PLCB1: variants seen among roughly 807,000 people sequenced by gnomAD.
PLCB1 encodes the protein phospholipase C beta 1.
PLCB1 carries 46 observed loss-of-function variants against 161.8 expected under a neutral mutation model. The observed-to-expected ratio is 0.28, with a 90% CI of 0.22 to 0.36. The LOEUF is 0.36. Among genes scored for constraint, PLCB1 ranks in the 10% least tolerant of loss-of-function variants. PLCB1 has a pLI of 1.00. For missense variants in PLCB1, 1,016 were observed against 1,472.5 expected (o/e 0.69, Z 5.07); for synonymous variants, 517 against 503.7 (o/e 1.03, Z -0.35).
intron 23 of PLCB1, chr20:8,750,962 G>C (rs757399146): frequency 1.3e-5 from 9 of 719,296 alleles, no homozygotes; most frequent in South Asian, 1.5e-5. Context: ...TTGAGACGGA[G>C]TCTTGCTCAG....
chr20:8,715,477 G>A (rs947439189), intron 12 of PLCB1, among the ~76,000 whole-genome samples: 4 of 152,098 alleles, frequency 2.6e-5, no homozygotes, highest in African/African-American at 4.8e-5. Context: ...TTCCAAGAAC[G>A]GTTATTATTC....
chr20:8,668,939 A>T (rs978520579), intron 9 of PLCB1, among the ~76,000 whole-genome samples: 1 of 152,230 alleles, frequency 6.6e-6, no homozygotes, highest in African/African-American at 2.4e-5. Context: ...TGCTTATTGA[A>T]CGCATTTCTT....
chr20:8,386,525 G>A (rs1987430948), intron 3 of PLCB1, among the ~76,000 whole-genome samples: 1 of 152,182 alleles, frequency 6.6e-6, no homozygotes, highest in South Asian at 2.1e-4. Context: ...ATTTTGTTGT[G>A]CTGTTTATAG....
Position 8,564,175 on chromosome 20 carries a change from C to T in PLCB1, c.247-64119C>T, listed in dbSNP as rs560796996. Among the ~76,000 whole-genome samples, 2 of 152,144 alleles carry T rather than the reference C, an allele frequency of 1.3e-5. 1 individual carries two copies. Among genetic ancestry groups the T allele is most frequent in the South Asian group, 4.2e-4 (2 of 4,818 alleles). On this transcript the variant is annotated intron_variant, in intron 3 of 31. Transcript: ENST00000338037. Reference sequence around the variant, plus strand: ...TAGACCAATGGAACAGAACAGAGGCCTCAGAAATAACACCACACATCTACA... The same window carrying T: ...TAGACCAATGGAACAGAACAGAGGCTTCAGAAATAACACCACACATCTACA...
chr20:8,192,447 C>A (rs1032528088), intron 2 of PLCB1, among the ~76,000 whole-genome samples: 1 of 151,642 alleles, frequency 6.6e-6, no homozygotes, highest in East Asian at 1.9e-4. Context: ...ATTTGGTTAG[C>A]GATGTGGGAG....
At chr20:8,357,065 C>G (rs1026261629) in intron 2 of PLCB1, among the ~76,000 whole-genome samples, 1 of 152,166 alleles carries the variant, frequency 6.6e-6, no homozygotes, top group Non-Finnish European at 1.5e-5. Context: ...AAAAAGCGAT[C>G]TATCTTCTTG....
chr20:8,509,729 C>CATAGATAGATAGATAG (rs11468649), intron 3 of PLCB1, among the ~76,000 whole-genome samples: 1 of 147,928 alleles, frequency 6.8e-6, no homozygotes, highest in African/African-American at 2.5e-5. Flanking sequence ...ATAGGCAGAT[C>CATAGATAGATAGATAG]ATAGATAGAT....
At chr20:8,573,543 G>A (rs1872223336) in intron 3 of PLCB1, among the ~76,000 whole-genome samples, 1 of 152,138 alleles carries the variant, frequency 6.6e-6, no homozygotes, top group Non-Finnish European at 1.5e-5. Flanking sequence ...GTTTTGCAAA[G>A]CAGTTTGTCA....
chr20:8,320,636 C>T (rs1387762553), intron 2 of PLCB1, among the ~76,000 whole-genome samples: 2 of 152,110 alleles, frequency 1.3e-5, no homozygotes, highest in African/African-American at 4.8e-5. Flanking sequence ...CCATGACTTG[C>T]ATGTTGTTCC....
At chr20:8,503,029 G>T (rs1983488514) in intron 3 of PLCB1, among the ~76,000 whole-genome samples, 1 of 152,156 alleles carries the variant, frequency 6.6e-6, no homozygotes, top group Non-Finnish European at 1.5e-5. Flanking sequence ...GACCAGCTAT[G>T]TGCAGGGACA....
At chr20:8,764,392 A>G (rs1982207857) in intron 25 of PLCB1, among the ~76,000 whole-genome samples, 1 of 152,304 alleles carries the variant, frequency 6.6e-6, no homozygotes, top group Admixed American at 6.5e-5. Flanking sequence ...CTCCACAGGC[A>G]CAGTGCCAGA....
At chr20:8,570,847 G>A (rs1448567733) in intron 3 of PLCB1, among the ~76,000 whole-genome samples, 1 of 152,176 alleles carries the variant, frequency 6.6e-6, no homozygotes, top group African/African-American at 2.4e-5. Context: ...ACTCTTTGAG[G>A]AGGAGACATT....
intron 31 of PLCB1, among the ~76,000 whole-genome samples, chr20:8,873,287 C>T (rs545729894): frequency 3.9e-5 from 6 of 152,202 alleles, no homozygotes; most frequent in East Asian, 1.9e-4. Context: ...AGGCCTTGCA[C>T]GTTTGCTCAG....
At chr20:8,531,694 G>A (rs1984823154) in intron 3 of PLCB1, among the ~76,000 whole-genome samples, 1 of 152,002 alleles carries the variant, frequency 6.6e-6, no homozygotes, top group African/African-American at 2.4e-5. Flanking sequence ...ATCCCAGGAG[G>A]TAGAAAGGAA....
At chr20:8,133,395 G>A (rs2051313048) in intron 1 of PLCB1, among the ~76,000 whole-genome samples, 1 of 152,036 alleles carries the variant, frequency 6.6e-6, no homozygotes, top group African/African-American at 2.4e-5. Context: ...GTCCTGGAGG[G>A]CTCATGGGCC....
At chr20:8,778,110 C>A (rs1486157687) in intron 27 of PLCB1, among the ~76,000 whole-genome samples, 2 of 152,020 alleles carry the variant, frequency 1.3e-5, no homozygotes, top group Admixed American at 1.3e-4. Flanking sequence ...TGGAGTTTCC[C>A]CAGGGCCCCA....
chr20:8,333,837 G>T (rs1985459653), intron 2 of PLCB1, among the ~76,000 whole-genome samples: 1 of 152,160 alleles, frequency 6.6e-6, no homozygotes. Flanking sequence ...ATCATTCAGG[G>T]CACATATTCT....
At chr20:8,221,477 A>G (rs926484144) in intron 2 of PLCB1, among the ~76,000 whole-genome samples, 1 of 152,146 alleles carries the variant, frequency 6.6e-6, no homozygotes, top group African/African-American at 2.4e-5. Flanking sequence ...GAACCTTACA[A>G]TTTCTTTACA....
chr20:8,461,700 C>T (rs1040622148), intron 3 of PLCB1, among the ~76,000 whole-genome samples: 1 of 152,142 alleles, frequency 6.6e-6, no homozygotes, highest in African/African-American at 2.4e-5. Context: ...AGTTTTGTAT[C>T]ATTTCTCATG....
Sources: allele counts gnomAD v4.1 joint callset (sites outside exome capture counted in the v4.1 genomes callset), GRCh38; gene constraint gnomAD v4.1.1; transcripts MANE v1.5; gene names NCBI Gene and HGNC (gene_info 2026-07-23, HGNC 2026-07-21).